The following CHSY1 variants were observed in gnomAD, a reference collection of about 807,000 sequenced individuals.
CHSY1 encodes the protein chondroitin sulfate synthase 1, also known as N-acetylgalactosaminyl-proteoglycan 3-beta-glucuronosyltransferase 1.
CHSY1 carries 13 observed loss-of-function variants against 59.8 expected under a neutral mutation model. The observed-to-expected ratio is 0.22, with a 90% confidence interval of 0.14 to 0.35. CHSY1 has a LOEUF of 0.35. Ranked by LOEUF, CHSY1 falls within the 10% of genes least tolerant of loss-of-function variation. The pLI is 1.00. For missense variants in CHSY1, 947 were observed against 1,030.6 expected, an observed-to-expected ratio of 0.92 and a Z score of 1.11; for synonymous variants, 459 against 401.2, an observed-to-expected ratio of 1.14 and a Z score of -1.72.
intron 1 of CHSY1, among the ~76,000 whole-genome samples, chr15:101,241,097 C>CA (rs2038996827): frequency 6.6e-6 from 1 of 151,546 alleles, no homozygotes; most frequent in African/African-American, 2.4e-5. Flanking sequence ...ATTTAATAGT[C>CA]TTTTTTTTTG....
At chr15:101,212,063 A>G (rs924906660) in intron 2 of CHSY1, among the ~76,000 whole-genome samples, 1 of 152,240 alleles carries the variant, frequency 6.6e-6, no homozygotes, top group African/African-American at 2.4e-5. Context: ...AAAGGCACTC[A>G]GTATCACTAG....
intron 2 of CHSY1, among the ~76,000 whole-genome samples, chr15:101,195,822 CA>C (rs777935360): frequency 1.4e-3 from 103 of 74,402 alleles, no homozygotes; most frequent in East Asian, 2.6e-3. Context: ...GACTCCGTCT[CA>C]AAAAAAAAAA....
intron 1 of CHSY1, among the ~76,000 whole-genome samples, chr15:101,244,168 C>T (rs566354806): frequency 9.2e-5 from 14 of 152,280 alleles, no homozygotes; most frequent in African/African-American, 3.4e-4. Flanking sequence ...GCTAGGTTTT[C>T]TTGTTCACCC....
At position 101,235,524 on chromosome 15, in the gene CHSY1, G is replaced by C; in HGVS notation, c.374C>G (p.Ser125Cys). ...GKVQFFSSEG[S>C]DTSVPIPVVP... ...TACTGGAATTGGTACAGATGTGTCA[G>C]AACCCTCACTTGAGAAGAACTGAAC... is the stretch of plus-strand genomic sequence containing the variant. The change falls in exon 2 of 3, where the codon TCT becomes TGT. Residue 125 changes from serine to cysteine, a missense_variant. By Grantham distance (112) the Ser-to-Cys change is moderately radical (BLOSUM62 -1). Around this residue, in one of 4 missense-constraint regions of CHSY1, gnomAD observed 232 missense variants for 188.5 expected, o/e 1.23. Transcript: ENST00000254190. 1.2e-6 allele frequency: 2 copies of C among 1,613,648 alleles called. No homozygotes were observed. Among genetic ancestry groups the C allele is most frequent in the Non-Finnish European group, 1.7e-6 (2 of 1,179,982 alleles).
chr15:101,199,412 A>C (rs1257765017), intron 2 of CHSY1, among the ~76,000 whole-genome samples: 1 of 152,220 alleles, frequency 6.6e-6, no homozygotes, highest in Non-Finnish European at 1.5e-5. Flanking sequence ...CTGAGGCAGG[A>C]GAATCGCTTG....
intron 2 of CHSY1, among the ~76,000 whole-genome samples, chr15:101,212,311 T>A (rs1416174029): frequency 6.6e-6 from 1 of 152,238 alleles, no homozygotes. Context: ...ATTCCACTTC[T>A]AGGTATTTAT....
At chr15:101,224,298 C>G (rs2038817747) in intron 2 of CHSY1, among the ~76,000 whole-genome samples, 2 of 152,196 alleles carry the variant, frequency 1.3e-5, no homozygotes, top group Admixed American at 1.3e-4. Flanking sequence ...GAAAAGAATA[C>G]ATATATATAA....
Position 101,178,301 on chromosome 15 carries a change from T to C in CHSY1, c.1496A>G (p.Gln499Arg). ...DAQELAKRINQESGSLSFLSN... is the reference protein window; with the variant it reads ...DAQELAKRINRESGSLSFLSN... Reference sequence around the variant, plus strand: ...GAGAAAGGACAAGGATCCAGATTCCTGATTGATTCTCTTGGCCAACTCTTG... The same window carrying C: ...GAGAAAGGACAAGGATCCAGATTCCCGATTGATTCTCTTGGCCAACTCTTG... The change falls in exon 3 of 3, where the codon CAG becomes CGG. Residue 499 changes from glutamine (Q) to arginine (R), a missense_variant. By Grantham distance (43) the Gln-to-Arg change is conservative. This residue lies in a region of CHSY1 where 602 missense variants were observed against 676.9 expected (regional missense o/e 0.89). Transcript: ENST00000254190. The C allele has an allele frequency of 1.2e-6, 2 of 1,609,582 alleles. No homozygotes were observed. The highest frequency in any genetic ancestry group is 1.3e-5 in the African/African-American group (1 of 74,922).
In CHSY1 at chr15:101,179,047, G is replaced by T; in HGVS notation, c.817-67C>A. On this transcript the variant is annotated intron_variant, in intron 2 of 2. Coordinates refer to ENST00000254190, the MANE Select transcript of CHSY1 (RefSeq NM_014918.5). ...TGATTGAGTGCCAGCACATGCTAAA[G>T]AAAATGCAAATATTAGAAATGTTTC... is the stretch of plus-strand genomic sequence containing the variant. The T allele has an allele frequency of 4.7e-6, 7 of 1,483,230 alleles. No individual in the cohort carries two copies. The South Asian group carries it at 5.7e-5, about 12-fold the overall frequency. The allele number at this position is 1,483,230 out of a possible 1,614,324, so 91.9% of individuals were successfully genotyped here.
chr15:101,241,018 T>C (rs1431220408), intron 1 of CHSY1, among the ~76,000 whole-genome samples: 3 of 152,184 alleles, frequency 2.0e-5, no homozygotes, highest in Non-Finnish European at 4.4e-5. Context: ...TATACAAAAA[T>C]AAAATAACGT....
At chr15:101,188,988 A>G (rs936737826) in intron 2 of CHSY1, among the ~76,000 whole-genome samples, 2 of 152,180 alleles carry the variant, frequency 1.3e-5, no homozygotes, top group Admixed American at 6.5e-5. Flanking sequence ...ATGATGCAGG[A>G]TGAATACATG....
chr15:101,231,382 C>T (rs925381297), intron 2 of CHSY1, among the ~76,000 whole-genome samples: 101 of 152,264 alleles, frequency 6.6e-4, no homozygotes, highest in African/African-American at 2.3e-3. Flanking sequence ...TGATATGATA[C>T]GCAGGAAACC....
At chr15:101,196,242 A>AC (rs1567092258) in intron 2 of CHSY1, among the ~76,000 whole-genome samples, 1 of 152,022 alleles carries the variant, frequency 6.6e-6, no homozygotes, top group Non-Finnish European at 1.5e-5. Flanking sequence ...AAAAAAAAAA[A>AC]AAAACATATA....
chr15:101,184,889 T>A (rs1330591386), intron 2 of CHSY1, among the ~76,000 whole-genome samples: 1 of 152,244 alleles, frequency 6.6e-6, no homozygotes, highest in Admixed American at 6.5e-5. Flanking sequence ...AGTTCCTACC[T>A]GACAGACTGG....
chr15:101,191,590 T>C (rs959775282), intron 2 of CHSY1, among the ~76,000 whole-genome samples: 6 of 152,188 alleles, frequency 3.9e-5, no homozygotes, highest in African/African-American at 1.4e-4. Flanking sequence ...GATATGTCAC[T>C]GTAGGTTCAC....
intron 1 of CHSY1, among the ~76,000 whole-genome samples, chr15:101,246,626 A>C (rs1439196319): frequency 2.6e-5 from 4 of 152,228 alleles, no homozygotes; most frequent in Admixed American, 2.6e-4. Flanking sequence ...TGGCATTTCA[A>C]ACTGGTAGGG....
In CHSY1 at chr15:101,178,001, A is replaced by G. The variant is rs751154712; in HGVS notation, c.1796T>C (p.Met599Thr). The change falls in exon 3 of 3, where the codon ATG becomes ACG. Residue 599 changes from methionine (M) to threonine (T), a missense_variant. Met to Thr is a moderately conservative substitution (Grantham distance 81, BLOSUM62 -1). This residue lies in a region of CHSY1 where 602 missense variants were observed against 676.9 expected (regional missense o/e 0.89). Transcript: ENST00000254190. The part of the protein sequence containing the change: ...DYRIKYPKAD[M>T]QILPVSGEFS... Reference sequence around the variant, plus strand: ...CTCTCCAGACACAGGCAAAATCTGCATGTCGGCTTTAGGGTACTTAATGCG... The same window carrying G: ...CTCTCCAGACACAGGCAAAATCTGCGTGTCGGCTTTAGGGTACTTAATGCG... 1.7e-5 allele frequency: 28 copies of G among 1,614,088 alleles called. No individual in the cohort carries two copies. In the South Asian group the frequency reaches 3.1e-4, roughly 18 times the overall value.
rs928446837 is a variant in CHSY1 at position 101,247,238 on chromosome 15, T to C, written c.320+3899A>G. On this transcript the variant is annotated intron_variant, in intron 1 of 2. Transcript: ENST00000254190. ...TTTACTGGCCTTCTTGGTGTTCCTT[T>C]CCAAGCCGGTCCCTGCCTTGGGACT... Among the ~76,000 whole-genome samples the C allele has an allele frequency of 2.6e-5, 4 of 152,164 alleles. No homozygotes were observed. In the East Asian group the frequency reaches 7.7e-4, roughly 29 times the overall value.
rs141598370 is a variant in CHSY1 at position 101,232,003 on chromosome 15, T to C, written c.816+3079A>G. ...TGACTTCTCTGTGAGTTTAACATTA[T>C]TTCCAAACAAAGTTCTCAAGGCTAT... is the stretch of plus-strand genomic sequence containing the variant. On this transcript the variant is annotated intron_variant, in intron 2 of 2. Transcript: ENST00000254190. 2.5e-3 allele frequency among the ~76,000 whole-genome samples: 386 copies of C among 152,360 alleles called. 1 individual carries two copies. The highest frequency in any genetic ancestry group is 8.8e-3 in the African/African-American group (364 of 41,574).
Sources: gnomAD v4.1 joint callset for allele counts (sites outside exome capture counted in the v4.1 genomes callset) on GRCh38, gnomAD v4.1.1 for gene constraint, gnomAD v4.1.1 regional missense constraint, MANE v1.5 for transcripts, NCBI Gene and HGNC (gene_info 2026-07-23, HGNC 2026-07-21) for gene names.